Variants in SPTA1 observed in about 807,000 individuals in gnomAD.
SPTA1 encodes the protein spectrin alpha, erythrocytic 1.
A neutral mutation model predicts 324.7 loss-of-function variants in SPTA1; 177 were observed. The observed-to-expected ratio is 0.55, with a 90% CI of 0.48 to 0.62. The LOEUF (loss-of-function observed/expected upper bound fraction) is 0.62. Among genes scored for constraint, SPTA1 ranks in the 20% least tolerant of loss-of-function variants. SPTA1 has a pLI of 0.00. For missense variants in SPTA1, 3,162 were observed against 2,883.6 expected (o/e 1.10, Z -2.21); for synonymous variants, 1,195 against 1,041.3 (o/e 1.15, Z -2.84).
At chr1:158,658,842 A>T (rs1294669651) in intron 18 of SPTA1, among the ~76,000 whole-genome samples, 1 of 152,174 alleles carries the variant, frequency 6.6e-6, no homozygotes, top group African/African-American at 2.4e-5. Context: ...ACAAGACAGC[A>T]CATCTTTAAA....
intron 38 of SPTA1, 24 bp from the exon 39 acceptor site, chr1:158,634,699 G>A (rs773877784): frequency 1.9e-6 from 3 of 1,613,808 alleles, no homozygotes; most frequent in Middle Eastern, 3.3e-4. Context: ...GCAAGCCCCA[G>A]TGAGGATAAG....
At chr1:158,642,642 A>T (rs1557948101) in intron 32 of SPTA1, 100 bp from the exon 33 acceptor site, 3 of 1,578,284 alleles carry the variant, frequency 1.9e-6, no homozygotes, top group Non-Finnish European at 2.6e-6. Context: ...TTCTATCATA[A>T]CTGAGGTGAC....
intron 30 of SPTA1, among the ~76,000 whole-genome samples, 191 bp from the exon 31 acceptor site, chr1:158,643,616 A>G (rs935332540): frequency 1.3e-5 from 2 of 152,182 alleles, no homozygotes; most frequent in Non-Finnish European, 2.9e-5. Context: ...ATAATGGGCT[A>G]CTTGTGTGGT....
intron 16 of SPTA1, among the ~76,000 whole-genome samples, chr1:158,663,668 T>G (rs5011463): frequency 0.13 from 20,472 of 152,014 alleles, 4,618 homozygotes; most frequent in African/African-American, 0.47. Context: ...TTATTTGCCT[T>G]TTTTTCTCGT....
intron 51 of SPTA1, 172 bp downstream of exon 51, chr1:158,612,645 T>A: frequency 1.5e-6 from 1 of 689,242 alleles, no homozygotes; most frequent in African/African-American, 1.8e-5. Flanking sequence ...CGTTTTTGAG[T>A]TGGGTCAAGA....
At chr1:158,633,151 T>C (rs1650802839) in intron 39 of SPTA1, among the ~76,000 whole-genome samples, 1 of 152,192 alleles carries the variant, frequency 6.6e-6, no homozygotes, top group Non-Finnish European at 1.5e-5. Context: ...AGATTAGTGG[T>C]TGCCACAGTT....
intron 5 of SPTA1, 45 bp downstream of exon 5, chr1:158,680,538 G>A (rs766943582): frequency 7.4e-6 from 12 of 1,612,384 alleles, no homozygotes; most frequent in Non-Finnish European, 1.0e-5. Context: ...TATTCTTAAG[G>A]ATAAGAACCC....
At chr1:158,611,543 T>A in intron 51 of SPTA1, 154 bp from the exon 52 acceptor site, 1 of 755,526 alleles carries the variant, frequency 1.3e-6, no homozygotes, top group South Asian at 2.0e-5. Flanking sequence ...TCTCATAAAT[T>A]TATAATTTCT....
chr1:158,626,203 T>C lies in SPTA1; in HGVS notation c.5853A>G (p.Leu1951=). ...GGTCTGCACCATTGCCATTGGTCTT[T>C]AGGCTTGTTTCCTTATCAGCTAAAA... is the stretch of plus-strand genomic sequence containing the variant. The part of the protein sequence containing the change: ...EAWIADKETS[L]KTNGNGADLG... Residue 1951 remains leucine, a synonymous_variant, in exon 42 of 52, where the codon CTA becomes CTG. Transcript: ENST00000643759. 1.9e-6 allele frequency: 3 copies of C among 1,613,704 alleles called. No individual in the cohort carries two copies. The highest frequency in any genetic ancestry group is 2.5e-6 in the Non-Finnish European group (3 of 1,179,660).
Position 158,657,608 on chromosome 1 carries a change from G to A in SPTA1, c.2674C>T (p.Gln892Ter), listed in dbSNP as rs2101878467. 1 of 1,614,082 alleles carries A rather than the reference G, an allele frequency of 6.2e-7. No homozygotes were observed. The highest frequency in any genetic ancestry group is 1.3e-5 in the African/African-American group (1 of 75,022). Residue 892 changes from glutamine to a stop codon, truncating the protein, a stop_gained, in exon 19 of 52, where the codon CAA becomes TAA. Coordinates refer to ENST00000643759, the MANE Select transcript of SPTA1 (RefSeq NM_003126.4). LOFTEE classifies it high-confidence loss of function. ...ESLRARAARR[Q>*]NDLEANVQFQ... ...TGGACATTGGCTTCAAGATCATTTT[G>A]TCGCCTAGCAGCTCGAGCACGGAGA... is the stretch of plus-strand genomic sequence containing the variant.
intron 18 of SPTA1, among the ~76,000 whole-genome samples, chr1:158,661,026 A>G (rs572220447): frequency 3.3e-5 from 5 of 152,340 alleles, no homozygotes; most frequent in Admixed American, 2.0e-4. Flanking sequence ...AGAGAAGCAT[A>G]TTAATGATTA....
rs376004665 is a variant in SPTA1 at position 158,648,521 on chromosome 1, G to A, written c.3702C>T (p.Pro1234=). Reference sequence around the variant, plus strand: ...GGACTTGTCTCACCTTATCTCCCAGGGGTACGAGGTCCCTTTCAAAGCCCT... The same window carrying A: ...GGACTTGTCTCACCTTATCTCCCAGAGGTACGAGGTCCCTTTCAAAGCCCT... ...RHEGFERDLV[P]LGDKVTILGE... Residue 1234 remains proline, a synonymous_variant, in exon 26 of 52, where the codon CCC becomes CCT. Transcript: ENST00000643759. 3 of 1,613,898 alleles carry A rather than the reference G, an allele frequency of 1.9e-6. No individual in the cohort carries two copies. Among genetic ancestry groups the A allele is most frequent in the Admixed American group, 1.7e-5 (1 of 59,986 alleles).
chr1:158,675,725 T>C (rs560014631), intron 8 of SPTA1, among the ~76,000 whole-genome samples: 24 of 152,292 alleles, frequency 1.6e-4, no homozygotes, highest in Middle Eastern at 3.4e-3. Context: ...AGTCAATCCA[T>C]AACTTAGACT....
Position 158,642,487 on chromosome 1 carries a change from T to C in SPTA1, c.4661A>G (p.Gln1554Arg). The C allele has an allele frequency of 6.2e-7, 1 of 1,613,758 alleles. No individual in the cohort carries two copies. Among genetic ancestry groups the C allele is most frequent in the Non-Finnish European group, 8.5e-7 (1 of 1,179,730 alleles). Reference sequence around the variant, plus strand: ...CCCCAGGTTGATGACGCCATGCACCTGCTCAGATCGGCCATCGACTTCATG... The same window carrying C: ...CCCCAGGTTGATGACGCCATGCACCCGCTCAGATCGGCCATCGACTTCATG... Reference protein sequence around the residue: ...FAHEVDGRSEQVHGVINLGNS... With the variant: ...FAHEVDGRSERVHGVINLGNS... Residue 1554 changes from glutamine (Q) to arginine (R), a missense_variant, in exon 33 of 52, where the codon CAG becomes CGG. Coordinates refer to ENST00000643759, the MANE Select transcript of SPTA1 (RefSeq NM_003126.4).
intron 18 of SPTA1, among the ~76,000 whole-genome samples, chr1:158,658,285 G>A (rs1016957507): frequency 6.6e-6 from 1 of 152,170 alleles, no homozygotes; most frequent in Non-Finnish European, 1.5e-5. Context: ...CAACATTTGG[G>A]AAAGACAAGA....
intron 42 of SPTA1, among the ~76,000 whole-genome samples, chr1:158,625,861 A>T (rs1426161489): frequency 2.0e-5 from 3 of 151,944 alleles, no homozygotes; most frequent in Admixed American, 2.0e-4. Flanking sequence ...AAGTAAAAAA[A>T]GATAATAATA....
intron 18 of SPTA1, among the ~76,000 whole-genome samples, chr1:158,660,696 G>T (rs538546832): frequency 6.6e-6 from 1 of 152,262 alleles, no homozygotes; most frequent in African/African-American, 2.4e-5. Flanking sequence ...ATACTGGTTG[G>T]CATCAACTGA....
At chr1:158,642,703 C>A (rs1571429705) in intron 32 of SPTA1, 111 bp downstream of exon 32, 3 of 1,585,486 alleles carry the variant, frequency 1.9e-6, no homozygotes, top group South Asian at 1.1e-5. Context: ...TCTCTGAGAG[C>A]AGGCATGGTA....
rs765443156 is a variant in SPTA1 at position 158,642,911 on chromosome 1, T to C, written c.4508A>G (p.Lys1503Arg). ...RTKLGDYANL[K>R]QFYRDLEELE... ...CTCCTCAAGGTCTCGGTAGAATTGT[T>C]TTAGGTTGGCATAGTCTCCAAGCTT... Residue 1503 changes from lysine (K) to arginine (R), a missense_variant, in exon 32 of 52, where the codon AAA (lysine) becomes AGA (arginine). Physicochemically the swap from Lys to Arg is conservative, Grantham distance 26 (BLOSUM62 2). Coordinates refer to ENST00000643759, the MANE Select transcript of SPTA1 (RefSeq NM_003126.4). The C allele has an allele frequency of 6.2e-6, 10 of 1,613,758 alleles. No homozygotes were observed. In the South Asian group the frequency reaches 1.1e-4, roughly 18 times the overall value.
Sources: allele counts gnomAD v4.1 joint callset (sites outside exome capture counted in the v4.1 genomes callset), GRCh38; gene constraint gnomAD v4.1.1; transcripts MANE v1.5; gene names NCBI Gene and HGNC (gene_info 2026-07-23, HGNC 2026-07-21).